Variants in ATF1 observed in about 807,000 individuals in gnomAD.
ATF1 encodes activating transcription factor 1, also known as cyclic AMP-dependent transcription factor ATF-1.
Under a neutral mutation model 34.7 loss-of-function variants are expected in ATF1, and 16 were observed. The observed-to-expected ratio is 0.46, with a 90% CI of 0.31 to 0.70. The LOEUF (loss-of-function observed/expected upper bound fraction) is 0.70. ATF1 is among the 30% of genes least tolerant of loss of function. The pLI, the probability that ATF1 is intolerant of heterozygous loss-of-function variation, is 0.05. For missense variants in ATF1, 255 were observed against 321.6 expected (o/e 0.79, Z 1.58); for synonymous variants, 105 against 113.1 (o/e 0.93, Z 0.46).
intron 2 of ATF1, among the ~76,000 whole-genome samples, chr12:50,790,753 T>C (rs1941284086): frequency 6.6e-6 from 1 of 151,866 alleles, no homozygotes; most frequent in Admixed American, 6.6e-5. Flanking sequence ...CCGTCCTGCT[T>C]GCTCATTGGC....
At chr12:50,797,189 C>G (rs1359826948) in intron 3 of ATF1, among the ~76,000 whole-genome samples, 1 of 152,178 alleles carries the variant, frequency 6.6e-6, no homozygotes, top group African/African-American at 2.4e-5. Context: ...GCACTTCCAG[C>G]TTCTAGTCTC....
At chr12:50,795,737 A>G (rs1034998949) in intron 2 of ATF1, among the ~76,000 whole-genome samples, 172 bp from the exon 3 acceptor site, 1 of 152,212 alleles carries the variant, frequency 6.6e-6, no homozygotes, top group African/African-American at 2.4e-5. Context: ...GGCTCCTGGA[A>G]TAAACTTTCT....
At position 50,814,109 on chromosome 12, in the gene ATF1, A is replaced by T; in HGVS notation, c.428A>T (p.Gln143Leu). 6.2e-7 allele frequency: 1 copy of T among 1,614,248 alleles called. No individual in the cohort carries two copies. The highest frequency in any genetic ancestry group is 8.5e-7 in the Non-Finnish European group (1 of 1,180,038). Residue 143 changes from glutamine to leucine, a missense_variant, in exon 5 of 7, where the codon CAG becomes CTG. Coordinates refer to ENST00000262053, the MANE Select transcript of ATF1 (RefSeq NM_005171.5). ...ACCATGACAAATTCAGGCAGTACTC[A>T]GCAAGGTACAACTATTCTTCAGTAT... is the stretch of plus-strand genomic sequence containing the variant. The part of the protein sequence containing the change: ...TLTMTNSGST[Q>L]QGTTILQYAQ...
At chr12:50,791,036 C>G (rs1941290999) in intron 2 of ATF1, among the ~76,000 whole-genome samples, 1 of 152,052 alleles carries the variant, frequency 6.6e-6, no homozygotes, top group Non-Finnish European at 1.5e-5. Context: ...TAAGGGGGCT[C>G]TGGTGTCATT....
At chr12:50,818,119 GT>G (rs1359155044) in intron 6 of ATF1, among the ~76,000 whole-genome samples, 1 of 151,920 alleles carries the variant, frequency 6.6e-6, no homozygotes, top group African/African-American at 2.4e-5. Context: ...AATATAGCTT[GT>G]GATCCTTCAA....
In ATF1 at chr12:50,814,203, T is replaced by C. The variant is rs374223169; in HGVS notation, c.511+11T>C. On this transcript the variant is annotated intron_variant, in intron 5 of 6. Coordinates refer to ENST00000262053, the MANE Select transcript of ATF1 (RefSeq NM_005171.5). ...AGGTGGTCGTACAAAGTAAGTATGC[T>C]TTCTGTCTACAGAAAGTCTCCTAAC... is the stretch of plus-strand genomic sequence containing the variant. The C allele has an allele frequency of 3.1e-6, 5 of 1,613,462 alleles. No homozygotes were observed. The African/African-American group carries it at 4.0e-5, about 13-fold the overall frequency.
At chr12:50,809,614 A>G (rs922597078) in intron 4 of ATF1, 25 bp downstream of exon 4, 1 of 1,586,946 alleles carries the variant, frequency 6.3e-7, no homozygotes, top group Non-Finnish European at 8.6e-7. Context: ...CAGTTTCCAC[A>G]TTATAAACAC....
intron 1 of ATF1, among the ~76,000 whole-genome samples, chr12:50,767,013 G>T (rs1346366280): frequency 6.6e-6 from 1 of 152,066 alleles, no homozygotes; most frequent in Non-Finnish European, 1.5e-5. Flanking sequence ...TTTATCACAC[G>T]TATTTTGCTC....
At chr12:50,813,243 A>T (rs1325802353) in intron 4 of ATF1, among the ~76,000 whole-genome samples, 1 of 152,208 alleles carries the variant, frequency 6.6e-6, no homozygotes, top group African/African-American at 2.4e-5. Context: ...AGTGATTTTC[A>T]CTAGGAAGTA....
chr12:50,788,354 T>C (rs927588591), intron 2 of ATF1: 3 of 363,914 alleles, frequency 8.2e-6, no homozygotes, highest in Middle Eastern at 4.4e-4. Flanking sequence ...GGCTAAACTT[T>C]TTGTATTTTT....
chr12:50,764,855 A>G (rs1592159860), intron 1 of ATF1, among the ~76,000 whole-genome samples: 1 of 152,242 alleles, frequency 6.6e-6, no homozygotes, highest in Non-Finnish European at 1.5e-5. Flanking sequence ...CGCCCCAGAC[A>G]GTCCTGGAGA....
intron 2 of ATF1, 114 bp from the exon 3 acceptor site, chr12:50,795,795 T>C: frequency 2.6e-6 from 2 of 775,388 alleles, no homozygotes; most frequent in Non-Finnish European, 4.2e-6. Flanking sequence ...TTAGATTTAA[T>C]GTACAAATGA....
intron 2 of ATF1, among the ~76,000 whole-genome samples, chr12:50,794,731 G>A (rs78970894): frequency 0.026 from 3,900 of 151,636 alleles, 171 homozygotes; most frequent in African/African-American, 0.089. Flanking sequence ...ACCAGCCAGG[G>A]TAACATAATG....
chr12:50,802,871 C>CAAAAAAA (rs71443203), intron 3 of ATF1, among the ~76,000 whole-genome samples: 2 of 46,876 alleles, frequency 4.3e-5, no homozygotes, highest in African/African-American at 1.0e-4. Flanking sequence ...GACTCCATCT[C>CAAAAAAA]AAAAAAAAAA....
chr12:50,770,211 C>G (rs1168663091), intron 1 of ATF1, among the ~76,000 whole-genome samples: 2 of 152,208 alleles, frequency 1.3e-5, no homozygotes, highest in African/African-American at 4.8e-5. Flanking sequence ...CAATAAGAAT[C>G]TGTTTTCTTT....
In ATF1 at chr12:50,819,838, G is replaced by GGAGT. The variant is rs1941913712; in HGVS notation, c.*60_*63dup. ...ATAAAAATTAAATGGATTTCCTAGT[G>GGAGT]GAGTTTTATAAATTAAAAGGTCAAA... On this transcript the variant is annotated 3_prime_UTR_variant, in exon 7 of 7. Coordinates refer to ENST00000262053, the MANE Select transcript of ATF1 (RefSeq NM_005171.5). 7.3e-7 allele frequency: 1 copy of GGAGT among 1,366,684 alleles called. No homozygotes were observed. Among genetic ancestry groups the GGAGT allele is most frequent in the East Asian group, 2.4e-5 (1 of 42,438 alleles). The allele number at this position is 1,366,684 out of a possible 1,614,324, so 84.7% of individuals were successfully genotyped here.
intron 1 of ATF1, among the ~76,000 whole-genome samples, chr12:50,773,466 T>TC (rs1555199288): frequency 0.011 from 1,694 of 149,530 alleles, 16 homozygotes; most frequent in Non-Finnish European, 0.018. Context: ...TTTTTTTTTT[T>TC]CGAGACAAAG....
intron 1 of ATF1, chr12:50,764,768 C>G (rs1042972499): frequency 1.3e-5 from 2 of 152,336 alleles, no homozygotes; most frequent in African/African-American, 4.8e-5. Flanking sequence ...GCGCTGGCGA[C>G]CCTGAGGGAA....
chr12:50,819,557 G>C, intron 6 of ATF1, 78 bp from the exon 7 acceptor site: 1 of 1,520,832 alleles, frequency 6.6e-7, no homozygotes, highest in Non-Finnish European at 9.0e-7. Flanking sequence ...GGTGACCACG[G>C]AAAATTACTG....
Sources: gnomAD v4.1 joint callset for allele counts (sites outside exome capture counted in the v4.1 genomes callset) on GRCh38, gnomAD v4.1.1 for gene constraint, MANE v1.5 for transcripts, NCBI Gene and HGNC (gene_info 2026-07-23, HGNC 2026-07-21) for gene names.